GOLGB1: variants seen among roughly 807,000 people sequenced by gnomAD.
GOLGB1 encodes the protein golgin subfamily B member 1.
A neutral mutation model predicts 336.9 loss-of-function variants in GOLGB1; 174 were observed. That is an observed-to-expected ratio of 0.52 (90% CI 0.46 to 0.59). GOLGB1 has a LOEUF of 0.59. GOLGB1 is among the 20% of genes least tolerant of loss of function. The probability of loss-of-function intolerance (pLI) is 0.00; values close to 1 mark genes in which losing one functional copy is unlikely to be tolerated. For synonymous variants in GOLGB1, 1,208 were observed against 1,289.2 expected (o/e 0.94, Z 1.35); for missense variants, 3,331 against 3,645.3 (o/e 0.91, Z 2.22).
intron 10 of GOLGB1, among the ~76,000 whole-genome samples, chr3:121,707,296 C>T (rs1459779714): frequency 6.7e-6 from 1 of 149,660 alleles, no homozygotes; most frequent in Non-Finnish European, 1.5e-5. Context: ...CTTGCACACA[C>T]ATCCATGTAC....
intron 14 of GOLGB1, among the ~76,000 whole-genome samples, chr3:121,686,484 C>T (rs1157912298): frequency 1.3e-5 from 2 of 152,062 alleles, no homozygotes; most frequent in Non-Finnish European, 2.9e-5. Flanking sequence ...TCTTTATATG[C>T]TACCCCAAGT....
intron 10 of GOLGB1, among the ~76,000 whole-genome samples, chr3:121,708,833 G>A (rs1944105870): frequency 6.6e-6 from 1 of 151,486 alleles, no homozygotes; most frequent in Non-Finnish European, 1.5e-5. Context: ...AAAACAGAGG[G>A]GAAAAAACAG....
At chr3:121,737,521 C>T (rs551888391) in intron 1 of GOLGB1, among the ~76,000 whole-genome samples, 74 of 151,898 alleles carry the variant, frequency 4.9e-4, no homozygotes, top group Non-Finnish European at 9.3e-4. Context: ...TGTGGTGGCA[C>T]GTGCCTGTAA....
chr3:121,727,293 C>CACATATAT (rs1469055493), intron 4 of GOLGB1, among the ~76,000 whole-genome samples: 3 of 27,566 alleles, frequency 1.1e-4, no homozygotes, highest in Non-Finnish European at 2.2e-4. Context: ...CACACACACA[C>CACATATAT]ATATATATAT....
At position 121,697,780 on chromosome 3, in the gene GOLGB1, T is replaced by C; in HGVS notation, c.2743A>G (p.Met915Val). The C allele has an allele frequency of 1.2e-6, 2 of 1,614,052 alleles. No homozygotes were observed. The highest frequency in any genetic ancestry group is 2.2e-5 in the East Asian group (1 of 44,884). ...TTAAGCTGAACCATTTTCTCAGTCA[T>C]ACTAAAGCTGATTTCTGTCACTTGT... ...DQQVTEISFS[M>V]TEKMVQLNEE... Residue 915 changes from methionine to valine, a missense_variant, in exon 13 of 22, where the codon ATG (methionine) becomes GTG (valine). By Grantham distance (21) the Met-to-Val change is conservative. Coordinates refer to ENST00000614479, the MANE Select transcript of GOLGB1 (RefSeq NM_001366282.2).
intron 1 of GOLGB1, among the ~76,000 whole-genome samples, chr3:121,746,496 T>C (rs967769363): frequency 2.0e-5 from 3 of 152,000 alleles, no homozygotes; most frequent in Admixed American, 2.0e-4. Context: ...ATGTTATTTA[T>C]TTTGAGACGG....
chr3:121,695,000 A>T lies in GOLGB1; in HGVS notation c.5523T>A (p.Asn1841Lys). 6.2e-7 allele frequency: 1 copy of T among 1,614,092 alleles called. No individual in the cohort carries two copies. The highest frequency in any genetic ancestry group is 1.1e-5 in the South Asian group (1 of 91,084). The stretch of plus-strand genomic sequence containing the variant: ...GCTGATCAATCTGCTGTAGGTAGTT[A>T]TTAATTTCATCATGTGAGCTGAAAT... ...SKDFSSHDEI[N>K]NYLQQIDQLK... is the part of the protein sequence containing the mutation. The change falls in exon 13 of 22, where the codon AAT (asparagine) becomes AAA (lysine). Residue 1841 changes from asparagine to lysine, a missense_variant. Coordinates refer to ENST00000614479, the MANE Select transcript of GOLGB1 (RefSeq NM_001366282.2).
At chr3:121,703,287 T>A (rs956762187) in intron 10 of GOLGB1, among the ~76,000 whole-genome samples, 6 of 152,350 alleles carry the variant, frequency 3.9e-5, no homozygotes, top group African/African-American at 1.4e-4. Context: ...TCATTCAATG[T>A]TTAAAATAAA....
At chr3:121,730,620 C>G (rs1018840950) in intron 2 of GOLGB1, among the ~76,000 whole-genome samples, 1 of 152,208 alleles carries the variant, frequency 6.6e-6, no homozygotes, top group South Asian at 2.1e-4. Flanking sequence ...TTAAAACACT[C>G]TGGCACCAAA....
Position 121,716,823 on chromosome 3 carries a change from T to C in GOLGB1, c.1202A>G (p.Asp401Gly), listed in dbSNP as rs866059733. 1.9e-6 allele frequency: 3 copies of C among 1,612,852 alleles called. No homozygotes were observed. The highest frequency in any genetic ancestry group is 2.7e-5 in the African/African-American group (2 of 74,926). ...KTGQELQSAC[D>G]ALKDQNSKLL... ...CTTTGAATTTTGATCCTTTAGAGCA[T>C]CACAGGCAGACTGCAGCTCTTGTCC... The change falls in exon 9 of 22, where the codon GAT becomes GGT. Residue 401 changes from aspartate to glycine, a missense_variant. Transcript: ENST00000614479.
At chr3:121,745,414 A>T (rs1947197580) in intron 1 of GOLGB1, among the ~76,000 whole-genome samples, 1 of 69,232 alleles carries the variant, frequency 1.4e-5, no homozygotes, top group African/African-American at 6.3e-5. Flanking sequence ...ATGTATATAT[A>T]CATATGTACA....
chr3:121,683,167 G>T (rs910965196), intron 14 of GOLGB1, among the ~76,000 whole-genome samples: 4 of 145,076 alleles, frequency 2.8e-5, no homozygotes, highest in Non-Finnish European at 1.5e-5. Context: ...CTCCCGAAGT[G>T]CTGGGATTAC....
intron 9 of GOLGB1, among the ~76,000 whole-genome samples, chr3:121,716,194 G>A (rs905854384): frequency 6.6e-6 from 1 of 152,088 alleles, no homozygotes. Context: ...GTTCTAAAAT[G>A]TTCAATTTTT....
At chr3:121,716,628 T>A (rs529901493) in intron 9 of GOLGB1, 109 bp downstream of exon 9, 1 of 866,758 alleles carries the variant, frequency 1.2e-6, no homozygotes, top group African/African-American at 1.7e-5. Flanking sequence ...AGTCCTTCTA[T>A]TGGTTCAATT....
At chr3:121,707,789 T>C (rs754690129) in intron 10 of GOLGB1, among the ~76,000 whole-genome samples, 5 of 152,218 alleles carry the variant, frequency 3.3e-5, no homozygotes, top group Non-Finnish European at 7.3e-5. Flanking sequence ...CTTGGCTCTA[T>C]GTCTGTTCTC....
chr3:121,692,354 T>C lies in GOLGB1; in HGVS notation c.7010A>G (p.Lys2337Arg). ...CCCTTCCAAGTTTCCTTTTTGTTCC[T>C]TACATTTTTCTAAAGAGTTACTTAA... ...TDLSNSLEKCKEQKGNLEGII... is the reference protein window; with the variant it reads ...TDLSNSLEKCREQKGNLEGII... The change falls in exon 14 of 22, where the codon AAG (lysine) becomes AGG (arginine). Residue 2337 changes from lysine to arginine, a missense_variant. By Grantham distance (26) the Lys-to-Arg change is conservative (BLOSUM62 2). Coordinates refer to ENST00000614479, the MANE Select transcript of GOLGB1 (RefSeq NM_001366282.2). 1 of 1,605,172 alleles carries C rather than the reference T, an allele frequency of 6.2e-7. No homozygotes were observed. Among genetic ancestry groups the C allele is most frequent in the Non-Finnish European group, 8.5e-7 (1 of 1,177,678 alleles).
At chr3:121,742,132 G>T (rs956158318) in intron 1 of GOLGB1, among the ~76,000 whole-genome samples, 1 of 152,066 alleles carries the variant, frequency 6.6e-6, no homozygotes, top group African/African-American at 2.4e-5. Flanking sequence ...AGTTCATATG[G>T]AACCAAAAAA....
In GOLGB1 at chr3:121,668,547, G is replaced by A. The variant is rs527831931; in HGVS notation, c.9322-389C>T. On this transcript the variant is annotated intron_variant, in intron 18 of 21. Transcript: ENST00000614479. Reference sequence around the variant, plus strand: ...AAATTAGCCGGGTGTGGTGGCAGGCGCCTGTAATCCCAGCAACTCGGGAGG... The same window carrying A: ...AAATTAGCCGGGTGTGGTGGCAGGCACCTGTAATCCCAGCAACTCGGGAGG... The A allele has an allele frequency of 2.3e-3, 368 of 158,746 alleles. 1 individual carries two copies. Among genetic ancestry groups the A allele is most frequent in the Non-Finnish European group, 4.1e-3 (298 of 71,886 alleles). The allele number at this position is 158,746 out of a possible 1,614,324, so 9.8% of individuals were successfully genotyped here.
At chr3:121,739,192 G>A (rs1946687028) in intron 1 of GOLGB1, among the ~76,000 whole-genome samples, 1 of 152,072 alleles carries the variant, frequency 6.6e-6, no homozygotes. Flanking sequence ...TTGAGCCCAA[G>A]AGGTGGAGGC....
Sources: gnomAD v4.1 joint callset for allele counts (sites outside exome capture counted in the v4.1 genomes callset) on GRCh38, gnomAD v4.1.1 for gene constraint, MANE v1.5 for transcripts, NCBI Gene and HGNC (gene_info 2026-07-23, HGNC 2026-07-21) for gene names.